TNR: variants seen among roughly 807,000 people sequenced by gnomAD.
TNR encodes the protein tenascin R, also known as tenascin-R.
In TNR, 45 loss-of-function variants were observed where a neutral mutation model predicts 150.4. The ratio of observed to expected loss-of-function variants is 0.30; its 90% CI spans 0.24 to 0.38. The LOEUF (loss-of-function observed/expected upper bound fraction) is 0.38. Among genes scored for constraint, TNR ranks in the 10% least tolerant of loss-of-function variants. The pLI, the probability that TNR is intolerant of heterozygous loss-of-function variation, is 1.00. For synonymous variants in TNR, 687 were observed against 678.4 expected (o/e 1.01, Z -0.20); for missense variants, 1,544 against 1,759.1 (o/e 0.88, Z 2.19).
chr1:175,608,767 T>G (rs926422974), intron 1 of TNR, among the ~76,000 whole-genome samples: 2 of 152,144 alleles, frequency 1.3e-5, no homozygotes, highest in Non-Finnish European at 1.5e-5. Context: ...AGAAGAGATG[T>G]TCAAATTTAT....
chr1:175,552,321 A>T (rs568057242), intron 1 of TNR, among the ~76,000 whole-genome samples: 3 of 152,348 alleles, frequency 2.0e-5, no homozygotes, highest in Non-Finnish European at 2.9e-5. Context: ...AGGTGAGCAT[A>T]TACCTCCAGT....
At chr1:175,533,249 A>G (rs1234773978) in intron 1 of TNR, among the ~76,000 whole-genome samples, 1 of 152,206 alleles carries the variant, frequency 6.6e-6, no homozygotes, top group Admixed American at 6.5e-5. Context: ...GTAAGATGGG[A>G]ATAATAATAT....
chr1:175,677,361 G>A (rs939357290), intron 1 of TNR, among the ~76,000 whole-genome samples: 1 of 152,040 alleles, frequency 6.6e-6, no homozygotes, highest in African/African-American at 2.4e-5. Context: ...TCTGCTCCTG[G>A]GCACTGCTGT....
intron 2 of TNR, among the ~76,000 whole-genome samples, chr1:175,523,443 T>C (rs1659723570): frequency 6.6e-6 from 1 of 152,320 alleles, no homozygotes; most frequent in Non-Finnish European, 1.5e-5. Context: ...AGAAAGGTAC[T>C]GTAATTTGAG....
At chr1:175,426,660 C>A (rs1471683018) in intron 2 of TNR, among the ~76,000 whole-genome samples, 1 of 151,556 alleles carries the variant, frequency 6.6e-6, no homozygotes, top group Non-Finnish European at 1.5e-5. Context: ...TGTTCAAGCA[C>A]TTTTACTCTA....
At chr1:175,485,286 G>A (rs1350084237) in intron 2 of TNR, among the ~76,000 whole-genome samples, 3 of 152,176 alleles carry the variant, frequency 2.0e-5, no homozygotes, top group African/African-American at 7.2e-5. Context: ...GAGCTTGACA[G>A]CACTGGAAGT....
chr1:175,487,790 G>A (rs1397887558), intron 2 of TNR, among the ~76,000 whole-genome samples: 2 of 152,122 alleles, frequency 1.3e-5, no homozygotes, highest in Admixed American at 6.5e-5. Flanking sequence ...TCCAAAAAAA[G>A]GTAGTGCCTC....
At chr1:175,356,084 C>T (rs916710895) in intron 16 of TNR, among the ~76,000 whole-genome samples, 1 of 152,174 alleles carries the variant, frequency 6.6e-6, no homozygotes, top group Non-Finnish European at 1.5e-5. Flanking sequence ...ACAGACCTCT[C>T]TTGACCTGGT....
chr1:175,459,816 T>A (rs182190603), intron 2 of TNR, among the ~76,000 whole-genome samples: 1 of 152,068 alleles, frequency 6.6e-6, no homozygotes, highest in Non-Finnish European at 1.5e-5. Context: ...ACATGAGTAA[T>A]GCCCGGAAAG....
In TNR at chr1:175,418,250, C is replaced by CA. The variant is rs576213232; in HGVS notation, c.-63-11474dup. The stretch of plus-strand genomic sequence containing the variant: ...GACTAGGAGAAAGATATTCATATAA[C>CA]AAGCATAAATAGCAGGACATGAGAA... On this transcript the variant is annotated intron_variant, in intron 2 of 22. Coordinates refer to ENST00000367674, the MANE Select transcript of TNR (RefSeq NM_003285.3). Among the ~76,000 whole-genome samples, 232 of 152,224 alleles carry CA rather than the reference C, an allele frequency of 1.5e-3. 2 individuals carry two copies. The South Asian group carries it at 0.023, about 15-fold the overall frequency.
Position 175,704,256 on chromosome 1 carries a change from G to C in TNR, c.-165+38970C>G, listed in dbSNP as rs74959820. Among the ~76,000 whole-genome samples, 1,083 of 152,306 alleles carry C rather than the reference G, an allele frequency of 7.1e-3. 11 individuals are homozygous for C. The highest frequency in any genetic ancestry group is 0.023 in the African/African-American group (966 of 41,582). ...ATAATAAACGAGTTGTGACTTAATA[G>C]AAAATCCTTTGTACCATAACATGTG... On this transcript the variant is annotated intron_variant, in intron 1 of 22. Transcript: ENST00000367674.
intron 1 of TNR, among the ~76,000 whole-genome samples, chr1:175,732,835 T>A (rs1046816174): frequency 6.6e-6 from 1 of 152,262 alleles, no homozygotes; most frequent in African/African-American, 2.4e-5. Flanking sequence ...AAAGGGATTG[T>A]TGAGATCAGT....
intron 2 of TNR, among the ~76,000 whole-genome samples, chr1:175,454,868 T>C: frequency 6.6e-6 from 1 of 152,198 alleles, no homozygotes. Context: ...CGGGCAGCTT[T>C]AAAGTATGGC....
chr1:175,365,783 G>A (rs1188670948), intron 11 of TNR, 92 bp downstream of exon 11: 1 of 1,510,108 alleles, frequency 6.6e-7, no homozygotes, highest in Non-Finnish European at 8.9e-7. Flanking sequence ...CAAAGGAAAT[G>A]GAACATTGGA....
chr1:175,682,094 G>A (rs956145140), intron 1 of TNR, among the ~76,000 whole-genome samples: 1 of 152,278 alleles, frequency 6.6e-6, no homozygotes, highest in African/African-American at 2.4e-5. Flanking sequence ...TTTTAATCCT[G>A]AGAAAAATGC....
At chr1:175,613,279 A>T (rs377252627) in intron 1 of TNR, among the ~76,000 whole-genome samples, 2 of 152,214 alleles carry the variant, frequency 1.3e-5, no homozygotes, top group East Asian at 3.9e-4. Context: ...CCAGGGCCCA[A>T]ATCCTTCCCA....
chr1:175,410,448 A>G (rs1654161643), intron 2 of TNR, among the ~76,000 whole-genome samples: 1 of 152,194 alleles, frequency 6.6e-6, no homozygotes. Context: ...GATAATTACC[A>G]TGGCTAACAA....
At chr1:175,498,351 G>A (rs759414786) in intron 2 of TNR, among the ~76,000 whole-genome samples, 27 of 152,210 alleles carry the variant, frequency 1.8e-4, no homozygotes, top group Admixed American at 1.8e-3. Flanking sequence ...AGAAAGGAAT[G>A]TAGGTGAGTC....
In TNR at chr1:175,406,754, C is replaced by T; in HGVS notation, c.-40G>A. ...ATCTGGGTTCAGGACCAGCCTGCAG[C>T]ACACAGCATGGAGTTGTGGGAATCT... On this transcript the variant is annotated 5_prime_UTR_variant, in exon 3 of 23. Transcript: ENST00000367674. 2 of 1,599,864 alleles carry T rather than the reference C, an allele frequency of 1.3e-6. No homozygotes were observed. The highest frequency in any genetic ancestry group is 1.7e-6 in the Non-Finnish European group (2 of 1,173,066).
Sources: allele counts gnomAD v4.1 joint callset (sites outside exome capture counted in the v4.1 genomes callset), GRCh38; gene constraint gnomAD v4.1.1; transcripts MANE v1.5; gene names NCBI Gene and HGNC (gene_info 2026-07-23, HGNC 2026-07-21).